The following GRIP1 variants were observed in gnomAD, a reference collection of about 807,000 sequenced individuals.
GRIP1 encodes the protein glutamate receptor-interacting protein 1.
In GRIP1, 45 loss-of-function variants were observed where a neutral mutation model predicts 129.9. The ratio of observed to expected loss-of-function variants is 0.35; its 90% CI spans 0.27 to 0.44. The LOEUF is 0.44. Ranked by LOEUF, GRIP1 falls within the 20% of genes least tolerant of loss-of-function variation. The pLI is 1.00. For missense variants in GRIP1, 1,196 were observed against 1,396.8 expected, an observed-to-expected ratio of 0.86 and a Z score of 2.29; for synonymous variants, 530 against 520.8, an observed-to-expected ratio of 1.02 and a Z score of -0.24.
intron 1 of GRIP1, among the ~76,000 whole-genome samples, chr12:67,032,765 A>C (rs1379183018): frequency 6.6e-6 from 1 of 152,188 alleles, no homozygotes; most frequent in African/African-American, 2.4e-5. Flanking sequence ...ACAGATCTCA[A>C]TCAGAACTGT....
intron 1 of GRIP1, among the ~76,000 whole-genome samples, chr12:66,642,355 T>A (rs1000962508): frequency 2.0e-5 from 3 of 151,994 alleles, no homozygotes; most frequent in African/African-American, 7.3e-5. Context: ...GTGCAGTCCA[T>A]GGGCTAGCAG....
intron 13 of GRIP1, among the ~76,000 whole-genome samples, chr12:66,433,687 A>G (rs560723814): frequency 1.3e-5 from 2 of 152,378 alleles, no homozygotes; most frequent in African/African-American, 4.8e-5. Flanking sequence ...AAATGGAAAT[A>G]TCCATTGAAG....
chr12:66,768,037 C>T (rs1001503951), intron 1 of GRIP1, among the ~76,000 whole-genome samples: 1 of 152,168 alleles, frequency 6.6e-6, no homozygotes, highest in African/African-American at 2.4e-5. Flanking sequence ...TGAGTAATAA[C>T]ATCTATGTCC....
intron 1 of GRIP1, among the ~76,000 whole-genome samples, chr12:66,946,759 C>T (rs1212123862): frequency 3.2e-4 from 3 of 9,264 alleles, no homozygotes; most frequent in African/African-American, 1.2e-3. Flanking sequence ...TGGGAGGCAG[C>T]GGGGGTCGGG....
chr12:66,863,735 C>T (rs1312086120), intron 1 of GRIP1, among the ~76,000 whole-genome samples: 1 of 152,022 alleles, frequency 6.6e-6, no homozygotes, highest in Admixed American at 6.6e-5. Context: ...CCTCATACGC[C>T]CTGTGTTAAA....
chr12:66,527,662 C>T (rs948150793), intron 5 of GRIP1, among the ~76,000 whole-genome samples: 7 of 151,862 alleles, frequency 4.6e-5, no homozygotes, highest in Admixed American at 1.3e-4. Context: ...TACCCTAAAA[C>T]TTAAAGTATA....
chr12:66,407,980 C>T (rs1000731920), intron 15 of GRIP1, among the ~76,000 whole-genome samples: 1 of 152,170 alleles, frequency 6.6e-6, no homozygotes, highest in East Asian at 1.9e-4. Flanking sequence ...GTAAAGAAGA[C>T]TTTGTCTTGC....
rs926772103 is a variant in GRIP1 at position 67,052,847 on chromosome 12, T to C, written c.58+16203A>G. Among the ~76,000 whole-genome samples, 14 of 152,248 alleles carry C rather than the reference T, an allele frequency of 9.2e-5. No individual in the cohort carries two copies. The East Asian group carries it at 1.5e-3, about 17-fold the overall frequency. The stretch of plus-strand genomic sequence containing the variant: ...CAACCCTGAAGAGTAGGTATTACTA[T>C]GGTTATTTTACAAAGGAAGAACTTG... On this transcript the variant is annotated intron_variant, in intron 1 of 1. Transcript: ENST00000643019.
At chr12:66,505,987 A>T (rs966664798) in intron 7 of GRIP1, among the ~76,000 whole-genome samples, 3 of 152,240 alleles carry the variant, frequency 2.0e-5, no homozygotes, top group Non-Finnish European at 4.4e-5. Context: ...CATTAAAACC[A>T]CAATGAGATA....
intron 13 of GRIP1, among the ~76,000 whole-genome samples, chr12:66,433,813 T>TGAGCA: frequency 6.6e-6 from 1 of 152,294 alleles, no homozygotes; most frequent in South Asian, 2.1e-4. Flanking sequence ...CAGAGGATTG[T>TGAGCA]GGGATGGGTG....
chr12:66,514,180 T>C (rs1024307717), intron 7 of GRIP1, among the ~76,000 whole-genome samples: 10 of 152,186 alleles, frequency 6.6e-5, no homozygotes, highest in Non-Finnish European at 1.2e-4. Context: ...GCAAGCTTCA[T>C]AAGAGCAGGG....
intron 1 of GRIP1, among the ~76,000 whole-genome samples, chr12:66,974,466 C>T (rs2042123475): frequency 6.6e-6 from 1 of 152,092 alleles, no homozygotes; most frequent in Non-Finnish European, 1.5e-5. Context: ...AGAACACTGC[C>T]TAGCATTCAC....
intron 1 of GRIP1, among the ~76,000 whole-genome samples, chr12:66,944,967 ATT>A (rs1489831602): frequency 1.3e-5 from 2 of 151,780 alleles, no homozygotes; most frequent in African/African-American, 4.8e-5. Context: ...TAATTTTTGT[ATT>A]TTTAGTAGAG....
intron 23 of GRIP1, among the ~76,000 whole-genome samples, chr12:66,366,034 C>T (rs950458390): frequency 3.3e-5 from 5 of 152,186 alleles, no homozygotes; most frequent in Non-Finnish European, 7.3e-5. Context: ...GTTTATCACT[C>T]CTTGCCTGAA....
chr12:66,373,199 C>T (rs145426089), intron 22 of GRIP1, among the ~76,000 whole-genome samples: 98 of 152,266 alleles, frequency 6.4e-4, no homozygotes, highest in African/African-American at 2.2e-3. Context: ...AAGCAATTCT[C>T]GTGCCACAGC....
intron 13 of GRIP1, among the ~76,000 whole-genome samples, chr12:66,433,333 A>T (rs1224436778): frequency 6.6e-6 from 1 of 152,200 alleles, no homozygotes. Context: ...TGCTGACCAC[A>T]GAGTTGGAAC....
At chr12:66,458,957 C>A (rs546609343) in intron 9 of GRIP1, among the ~76,000 whole-genome samples, 4 of 152,372 alleles carry the variant, frequency 2.6e-5, no homozygotes, top group Non-Finnish European at 5.9e-5. Flanking sequence ...GCTGAAGGAG[C>A]TGCCCTCCCC....
At chr12:66,946,999 G>A (rs572942382) in intron 1 of GRIP1, among the ~76,000 whole-genome samples, 3 of 151,308 alleles carry the variant, frequency 2.0e-5, no homozygotes, top group African/African-American at 4.8e-5. Flanking sequence ...AACCGAGATC[G>A]CACCACTGCA....
At chr12:66,414,882 TG>T (rs2057532312) in intron 15 of GRIP1, among the ~76,000 whole-genome samples, 1 of 150,044 alleles carries the variant, frequency 6.7e-6, no homozygotes, top group Non-Finnish European at 1.5e-5. Context: ...CTGGGAGAAC[TG>T]GCTAATCGTA....
Sources: allele counts gnomAD v4.1 joint callset (sites outside exome capture counted in the v4.1 genomes callset), GRCh38; gene constraint gnomAD v4.1.1; transcripts MANE v1.5; gene names NCBI Gene and HGNC (gene_info 2026-07-23, HGNC 2026-07-21).